Variants in TACC2 observed in about 807,000 individuals in gnomAD.
The protein encoded by TACC2 is transforming acidic coiled-coil-containing protein 2.
A neutral mutation model predicts 227.3 loss-of-function variants in TACC2; 137 were observed. The observed-to-expected ratio is 0.60, with a 90% confidence interval of 0.52 to 0.69. The LOEUF (loss-of-function observed/expected upper bound fraction) is 0.69, where lower values mean the gene tolerates loss of function less well. Ranked by LOEUF, TACC2 falls within the 30% of genes least tolerant of loss-of-function variation. TACC2 has a pLI of 0.00. For synonymous variants in TACC2, 1,523 were observed against 1,487.5 expected, an observed-to-expected ratio of 1.02 and a Z score of -0.55; for missense variants, 3,470 against 3,694.4, an observed-to-expected ratio of 0.94 and a Z score of 1.57.
chr10:122,203,616 C>CTCT (rs1160770522), intron 8 of TACC2, among the ~76,000 whole-genome samples: 2 of 151,540 alleles, frequency 1.3e-5, no homozygotes, highest in Non-Finnish European at 2.9e-5. Context: ...CGGGCAGAGA[C>CTCT]GCTCCTCACT....
At chr10:122,228,499 T>A (rs2095670473) in intron 14 of TACC2, among the ~76,000 whole-genome samples, 1 of 152,110 alleles carries the variant, frequency 6.6e-6, no homozygotes, top group South Asian at 2.1e-4. Context: ...TACCCCCCAG[T>A]CCCTGCACAG....
intron 5 of TACC2, among the ~76,000 whole-genome samples, chr10:122,116,758 T>C (rs1300353401): frequency 6.6e-6 from 1 of 152,218 alleles, no homozygotes; most frequent in African/African-American, 2.4e-5. Context: ...ATTAGTGTTG[T>C]TTTTAAATGC....
At chr10:122,118,984 A>T (rs1409822251) in intron 5 of TACC2, among the ~76,000 whole-genome samples, 1 of 152,204 alleles carries the variant, frequency 6.6e-6, no homozygotes, top group Non-Finnish European at 1.5e-5. Flanking sequence ...TTAAATTGTG[A>T]TTAAACAAAC....
intron 7 of TACC2, among the ~76,000 whole-genome samples, chr10:122,145,488 A>C (rs976299902): frequency 1.3e-5 from 2 of 152,224 alleles, no homozygotes; most frequent in African/African-American, 4.8e-5. Context: ...AATGGAAAAC[A>C]GATCAGTGGG....
At chr10:122,047,828 G>T (rs1455711943) in intron 2 of TACC2, among the ~76,000 whole-genome samples, 1 of 152,196 alleles carries the variant, frequency 6.6e-6, no homozygotes, top group African/African-American at 2.4e-5. Flanking sequence ...TATTGCTGTT[G>T]TTCTCTTTCC....
chr10:122,239,054 A>G (rs779868089), intron 18 of TACC2, among the ~76,000 whole-genome samples: 1 of 152,042 alleles, frequency 6.6e-6, no homozygotes, highest in Non-Finnish European at 1.5e-5. Flanking sequence ...CCCAGGCTGG[A>G]GTGCGATGGT....
chr10:122,210,472 C>T lies in TACC2; in HGVS notation c.6047C>T (p.Pro2016Leu), dbSNP rs564717762. ...DSVEGSPFRP[P>L]SHSFSAVFDE... ...GTGGAAGGAAGTCCCTTCCGTCCCC[C>T]GTCACACTCCTTCTCTGCCGTCTTC... Residue 2016 changes from proline to leucine, a missense_variant, in exon 9 of 23, where the codon CCG (proline) becomes CTG (leucine). Coordinates refer to ENST00000369005, the MANE Select transcript of TACC2 (RefSeq NM_206862.4). The surrounding 1 kb of genome is among the most constrained non-coding windows in gnomAD (Gnocchi z 4.6). 20 of 1,614,034 alleles carry T rather than the reference C, an allele frequency of 1.2e-5. No individual in the cohort carries two copies. Among genetic ancestry groups the T allele is most frequent in the East Asian group, 2.2e-5 (1 of 44,864 alleles).
chr10:122,133,710 C>T (rs114216465), intron 6 of TACC2, among the ~76,000 whole-genome samples: 3 of 152,182 alleles, frequency 2.0e-5, no homozygotes, highest in East Asian at 3.9e-4. Flanking sequence ...CTTCTCCCCA[C>T]GCTGAGAGAA....
chr10:122,166,442 C>T (rs1192241547), intron 7 of TACC2, among the ~76,000 whole-genome samples: 2 of 152,134 alleles, frequency 1.3e-5, no homozygotes, highest in Non-Finnish European at 2.9e-5. Context: ...TGTATCTCCC[C>T]TTTTGAGAAC....
At chr10:122,089,517 T>C (rs146639751) in intron 5 of TACC2, among the ~76,000 whole-genome samples, 101 of 152,370 alleles carry the variant, frequency 6.6e-4, no homozygotes, top group South Asian at 4.1e-4. Flanking sequence ...CCTAGTGTTA[T>C]GCAGAAGCTG....
intron 5 of TACC2, among the ~76,000 whole-genome samples, chr10:122,101,905 A>G (rs1007397077): frequency 1.7e-4 from 26 of 151,654 alleles, no homozygotes; most frequent in Non-Finnish European, 2.9e-5. Context: ...AAGAAAAAAG[A>G]AAAAGGCAGA....
intron 1 of TACC2, among the ~76,000 whole-genome samples, chr10:122,017,818 C>CAAAA (rs5788525): frequency 0.1 from 7,759 of 74,574 alleles, 492 homozygotes; most frequent in South Asian, 0.18. Context: ...GAAACTGTCT[C>CAAAA]AAAAAAAAAA....
intron 16 of TACC2, among the ~76,000 whole-genome samples, chr10:122,235,247 C>A (rs549579081): frequency 4.6e-5 from 7 of 152,302 alleles, no homozygotes; most frequent in African/African-American, 1.7e-4. Flanking sequence ...ACCACCACAC[C>A]TGGCTAGTTT....
intron 6 of TACC2, 144 bp downstream of exon 6, chr10:122,132,878 C>T: frequency 1.2e-6 from 1 of 804,240 alleles, no homozygotes; most frequent in Non-Finnish European, 2.0e-6. Flanking sequence ...AGGGTGTGCA[C>T]ACCTGTCCTG....
chr10:122,058,616 C>T (rs1013112777), intron 3 of TACC2, among the ~76,000 whole-genome samples: 2 of 152,016 alleles, frequency 1.3e-5, no homozygotes, highest in African/African-American at 4.8e-5. Flanking sequence ...ACCATGTTGG[C>T]CAGAATGGTC....
rs1302170026 is a variant in TACC2 at position 122,150,891 on chromosome 10, G to T, written c.5834+7185G>T. Among the ~76,000 whole-genome samples the T allele has an allele frequency of 1.3e-5, 2 of 152,160 alleles. No homozygotes were observed. The highest frequency in any genetic ancestry group is 3.9e-4 in the East Asian group (2 of 5,182). Reference sequence around the variant, plus strand: ...ACATCCCGGTTGATTCTATGCCACGGACTATTCGGAAGGTGGCGCAGGGGA... The same window carrying T: ...ACATCCCGGTTGATTCTATGCCACGTACTATTCGGAAGGTGGCGCAGGGGA... On this transcript the variant is annotated intron_variant, in intron 7 of 22. Transcript: ENST00000369005. This position sits in a 1 kb window ranked among gnomAD's most constrained non-coding sequence, Gnocchi z 4.0.
chr10:122,160,110 G>C (rs2092728208), intron 7 of TACC2, among the ~76,000 whole-genome samples: 1 of 152,198 alleles, frequency 6.6e-6, no homozygotes, highest in Admixed American at 6.5e-5. Flanking sequence ...AGAATAAGCT[G>C]GTTTCCACTT....
intron 3 of TACC2, among the ~76,000 whole-genome samples, chr10:122,063,832 A>ACG (rs2077101439): frequency 3.2e-5 from 1 of 31,612 alleles, no homozygotes; most frequent in South Asian, 9.4e-4. Context: ...ATTATATAAT[A>ACG]CACACACACA....
intron 7 of TACC2, among the ~76,000 whole-genome samples, chr10:122,165,561 G>A (rs2093111006): frequency 6.6e-6 from 1 of 152,168 alleles, no homozygotes; most frequent in African/African-American, 2.4e-5. Context: ...TTTTGGATAA[G>A]GTCCCTTAAG....
Sources: allele counts gnomAD v4.1 joint callset (sites outside exome capture counted in the v4.1 genomes callset), GRCh38; gene constraint gnomAD v4.1.1; non-coding constraint Gnocchi (gnomAD v3.1); transcripts MANE v1.5; gene names NCBI Gene and HGNC (gene_info 2026-07-23, HGNC 2026-07-21).